The following MLYCD variants were observed in gnomAD, a reference collection of about 807,000 sequenced individuals.
The protein encoded by MLYCD is malonyl-CoA decarboxylase, mitochondrial.
A neutral mutation model predicts 35.8 loss-of-function variants in MLYCD; 27 were observed. The ratio of observed to expected loss-of-function variants is 0.75; its 90% CI spans 0.56 to 1.04. MLYCD has a LOEUF of 1.04. Ranked by LOEUF, MLYCD falls within the 50% of genes least tolerant of loss-of-function variation. The pLI, the probability that MLYCD is intolerant of heterozygous loss-of-function variation, is 0.00. For missense variants in MLYCD, 917 were observed against 665.1 expected (o/e 1.38, Z -4.17); for synonymous variants, 403 against 302.4 (o/e 1.33, Z -3.45).
At chr16:83,913,979 C>T (rs1907279825) in intron 4 of MLYCD, 1 of 151,956 alleles carries the variant, frequency 6.6e-6, no homozygotes. Context: ...AAAATGCTCA[C>T]GATATAAATT....
chr16:83,901,545 A>G (rs1283858402), intron 1 of MLYCD, among the ~76,000 whole-genome samples: 1 of 152,220 alleles, frequency 6.6e-6, no homozygotes, highest in Non-Finnish European at 1.5e-5. Context: ...GGGTCCTCAT[A>G]TCAGACATTT....
In MLYCD at chr16:83,902,987, T is replaced by C. The variant is rs189568420; in HGVS notation, c.528+3315T>C. Among the ~76,000 whole-genome samples the C allele has an allele frequency of 1.1e-3, 175 of 152,244 alleles. 4 individuals are homozygous for C. Among genetic ancestry groups the C allele is most frequent in the African/African-American group, 3.9e-3 (161 of 41,560 alleles). ...CTGGGGGATGGTGGTTTATAGGCTT[T>C]TTGTTTTTCTCCAGAGGCCCAGTTG... is the stretch of plus-strand genomic sequence containing the variant. On this transcript the variant is annotated intron_variant, in intron 1 of 4. Coordinates refer to ENST00000262430, the MANE Select transcript of MLYCD (RefSeq NM_012213.3).
At chr16:83,906,519 A>G (rs1906980585) in intron 1 of MLYCD, among the ~76,000 whole-genome samples, 1 of 152,222 alleles carries the variant, frequency 6.6e-6, no homozygotes, top group Admixed American at 6.5e-5. Context: ...TGAACCAAGT[A>G]CTTGTCTTTC....
rs74830340 is a variant in MLYCD at position 83,916,160 on chromosome 16, C to T, written c.*671C>T. The T allele has an allele frequency of 9.5e-3, 9,377 of 991,520 alleles. 525 individuals carry two copies. The African/African-American group carries it at 0.13, about 13-fold the overall frequency. 61.4% of individuals were successfully genotyped at this position (991,520 alleles called of 1,614,324 possible). The stretch of plus-strand genomic sequence containing the variant: ...ATAATGAACTTCACAGTAAAGAACA[C>T]GTTTGTTCTGTAAAGCATTGAACAT... On this transcript the variant is annotated 3_prime_UTR_variant, in exon 5 of 5. Transcript: ENST00000262430.
chr16:83,899,541 C>T lies in MLYCD; in HGVS notation c.397C>T (p.Leu133=). The change falls in exon 1 of 5, where the codon CTG becomes TTG. Residue 133 remains leucine, a synonymous_variant. Transcript: ENST00000262430. ...LQAEDRLRYA[L]VPRYRGLFHH... ...GGCCGAGGACCGGCTGCGCTACGCG[C>T]TGGTGCCGCGCTATCGCGGCCTCTT... 1 of 1,592,006 alleles carries T rather than the reference C, an allele frequency of 6.3e-7. No individual in the cohort carries two copies.
At position 83,916,811 on chromosome 16, in the gene MLYCD, C is replaced by T. The variant is rs1426566791; in HGVS notation, c.*1322C>T. On this transcript the variant is annotated 3_prime_UTR_variant, in exon 5 of 5. Coordinates refer to ENST00000262430, the MANE Select transcript of MLYCD (RefSeq NM_012213.3). ...GCGTTCTATGTGGATCAGTGCACGC[C>T]TGTGTGCGTGTGCACGAGCGTCTCT... 1.7e-5 allele frequency: 2 copies of T among 114,304 alleles called. No individual in the cohort carries two copies. Among genetic ancestry groups the T allele is most frequent in the African/African-American group, 7.0e-5 (2 of 28,454 alleles). The allele number at this position is 114,304 out of a possible 1,614,324, so 7.1% of individuals were successfully genotyped here.
At chr16:83,900,177 C>A (rs1283854364) in intron 1 of MLYCD, among the ~76,000 whole-genome samples, 1 of 152,122 alleles carries the variant, frequency 6.6e-6, no homozygotes, top group East Asian at 1.9e-4. Flanking sequence ...CCACCACCAC[C>A]CAGGAGTCTC....
rs896726297 is a variant in MLYCD at position 83,921,356 on chromosome 16, AAGG to A, written c.*5872_*5874del. On this transcript the variant is annotated 3_prime_UTR_variant, in exon 5 of 5. Coordinates refer to ENST00000262430, the MANE Select transcript of MLYCD (RefSeq NM_012213.3). ...GTAGAGTGTAGATGGAAGGAAAGGA[AAGG>A]AGGATGGATGGATGGATGGATGGAT... 7.0e-5 allele frequency: 9 copies of A among 127,924 alleles called. No individual in the cohort carries two copies. Among genetic ancestry groups the A allele is most frequent in the African/African-American group, 1.2e-4 (4 of 32,626 alleles). The allele number at this position is 127,924 out of a possible 1,614,324, so 7.9% of individuals were successfully genotyped here.
At chr16:83,911,006 C>T (rs568384437) in intron 3 of MLYCD, among the ~76,000 whole-genome samples, 27 of 152,204 alleles carry the variant, frequency 1.8e-4, no homozygotes, top group African/African-American at 6.0e-4. Flanking sequence ...GAGACGGAGT[C>T]TCGCTCTGTG....
intron 1 of MLYCD, among the ~76,000 whole-genome samples, chr16:83,902,127 GTA>G (rs149705744): frequency 3.9e-5 from 5 of 129,560 alleles, no homozygotes; most frequent in Non-Finnish European, 6.6e-5. Flanking sequence ...ATATGTATGT[GTA>G]TATGTGTGTG....
chr16:83,901,702 T>G (rs1208605461), intron 1 of MLYCD, among the ~76,000 whole-genome samples: 1 of 152,174 alleles, frequency 6.6e-6, no homozygotes, highest in Non-Finnish European at 1.5e-5. Flanking sequence ...ACACGTTGCA[T>G]GGCAACTGAA....
At position 83,915,227 on chromosome 16, in the gene MLYCD, A is replaced by G. The variant is rs375649018; in HGVS notation, c.1220A>G (p.Tyr407Cys). ...PLMRLCAWYL[Y>C]GEKHRGYALN... ...ATGAGGCTGTGCGCCTGGTACCTGT[A>G]TGGAGAGAAGCACCGCGGCTACGCG... Residue 407 changes from tyrosine (Y) to cysteine (C), a missense_variant, in exon 5 of 5, where the codon TAT (tyrosine) becomes TGT (cysteine). Coordinates refer to ENST00000262430, the MANE Select transcript of MLYCD (RefSeq NM_012213.3). The G allele has an allele frequency of 1.2e-6, 2 of 1,613,526 alleles. No individual in the cohort carries two copies. The highest frequency in any genetic ancestry group is 1.7e-6 in the Non-Finnish European group (2 of 1,179,584).
chr16:83,921,178 G>T lies in MLYCD; in HGVS notation c.*5689G>T. On this transcript the variant is annotated 3_prime_UTR_variant, in exon 5 of 5. Coordinates refer to ENST00000262430, the MANE Select transcript of MLYCD (RefSeq NM_012213.3). ...ACGAATAGATGGAAGGAAGATGGGT[G>T]GATGGAAGGAAGATGGATGGATGGA... 1 of 151,398 alleles carries T rather than the reference G, an allele frequency of 6.6e-6. No homozygotes were observed. 9.4% of individuals were successfully genotyped at this position (151,398 alleles called of 1,614,324 possible).
At chr16:83,901,972 G>C (rs1906802590) in intron 1 of MLYCD, among the ~76,000 whole-genome samples, 1 of 151,978 alleles carries the variant, frequency 6.6e-6, no homozygotes, top group African/African-American at 2.4e-5. Flanking sequence ...GAGCCTTTCT[G>C]TGATTGCTTT....
intron 3 of MLYCD, 105 bp from the exon 4 acceptor site, chr16:83,912,113 C>A: frequency 6.6e-7 from 1 of 1,518,836 alleles, no homozygotes; most frequent in Non-Finnish European, 9.1e-7. Flanking sequence ...TCTCTTCCAG[C>A]TCCTTCAGTG....
Position 83,912,130 on chromosome 16 carries a change from G to T in MLYCD, c.799-88G>T, listed in dbSNP as rs141359160. 1.3e-4 allele frequency: 203 copies of T among 1,576,812 alleles called. 2 individuals carry two copies. In the African/African-American group the frequency reaches 2.3e-3, roughly 18 times the overall value. On this transcript the variant is annotated intron_variant, in intron 3 of 4. Transcript: ENST00000262430. ...TCTTCCAGCTCCTTCAGTGCTCTGAGAATTGTCTTCTCGTCCCAGCAACAG... is the reference window on the plus strand; with the variant it reads ...TCTTCCAGCTCCTTCAGTGCTCTGATAATTGTCTTCTCGTCCCAGCAACAG...
At chr16:83,900,155 G>A (rs1173354646) in intron 1 of MLYCD, among the ~76,000 whole-genome samples, 21 of 152,130 alleles carry the variant, frequency 1.4e-4, no homozygotes, top group Admixed American at 1.3e-3. Flanking sequence ...AGGTAAATAG[G>A]ACTCAAGGTC....
In MLYCD at chr16:83,915,414, C is replaced by T. The variant is rs1284175368; in HGVS notation, c.1407C>T (p.Leu469=). Residue 469 remains leucine (L), a synonymous_variant, in exon 5 of 5, where the codon CTC becomes CTT. Coordinates refer to ENST00000262430, the MANE Select transcript of MLYCD (RefSeq NM_012213.3). ...EETGPNSTSY[L]GSKIIKASEQ... ...CGGGCCCCAACAGCACCTCCTACCT[C>T]GGCTCCAAGATCATCAAAGCCTCTG... 3 of 1,613,716 alleles carry T rather than the reference C, an allele frequency of 1.9e-6. No individual in the cohort carries two copies. Among genetic ancestry groups the T allele is most frequent in the African/African-American group, 2.7e-5 (2 of 74,950 alleles).
rs113526214 is a variant in MLYCD, at chr16:83,918,886, C to CGG, written c.*3397_*3398insGG. On this transcript the variant is annotated 3_prime_UTR_variant, in exon 5 of 5. Coordinates refer to ENST00000262430, the MANE Select transcript of MLYCD (RefSeq NM_012213.3). ...AACACAGCCAGTGCACAGGAGAACA[C>CGG]TGCACAGGAGAACCACACTGCACAG... 6.8e-6 allele frequency: 1 copy of CGG among 147,912 alleles called. No individual in the cohort carries two copies. Among genetic ancestry groups the CGG allele is most frequent in the Non-Finnish European group, 1.5e-5 (1 of 67,418 alleles). 9.2% of individuals were successfully genotyped at this position (147,912 alleles called of 1,614,324 possible). A position where few individuals can be genotyped will look rare whatever the true frequency, so the allele number is the denominator to read the frequency against.
Sources: allele counts gnomAD v4.1 joint callset (sites outside exome capture counted in the v4.1 genomes callset), GRCh38; gene constraint gnomAD v4.1.1; transcripts MANE v1.5; gene names NCBI Gene and HGNC (gene_info 2026-07-23, HGNC 2026-07-21).